RABGAP1L: variants seen among roughly 807,000 people sequenced by gnomAD.
RABGAP1L encodes the protein RAB GTPase activating protein 1 like, also known as rab GTPase-activating protein 1-like.
In RABGAP1L, 63 loss-of-function variants were observed where a neutral mutation model predicts 137.7. The ratio of observed to expected loss-of-function variants is 0.46; its 90% CI spans 0.37 to 0.56. The LOEUF (loss-of-function observed/expected upper bound fraction) is 0.56, where lower values mean the gene tolerates loss of function less well. Among genes scored for constraint, RABGAP1L ranks in the 20% least tolerant of loss-of-function variants. RABGAP1L has a pLI of 0.00. For missense variants in RABGAP1L, 1,095 were observed against 1,244.0 expected (o/e 0.88, Z 1.80); for synonymous variants, 431 against 433.7 (o/e 0.99, Z 0.08).
intron 13 of RABGAP1L, among the ~76,000 whole-genome samples, chr1:174,451,918 T>C (rs1416341497): frequency 2.6e-5 from 4 of 152,196 alleles, no homozygotes; most frequent in South Asian, 2.1e-4. Flanking sequence ...ATCAATTTCT[T>C]TTTGGAAAAA....
chr1:174,842,610 A>G (rs1056736723), intron 19 of RABGAP1L, among the ~76,000 whole-genome samples: 3 of 152,222 alleles, frequency 2.0e-5, no homozygotes, highest in Admixed American at 6.5e-5. Context: ...AAGAGGATAC[A>G]CAGTCTCCCA....
At chr1:174,630,871 G>GT (rs1673322056) in intron 13 of RABGAP1L, among the ~76,000 whole-genome samples, 2 of 138,752 alleles carry the variant, frequency 1.4e-5, no homozygotes, top group African/African-American at 2.7e-5. Context: ...TTTTTGAAGG[G>GT]TTTTTTGTGT....
intron 13 of RABGAP1L, among the ~76,000 whole-genome samples, chr1:174,637,142 A>T (rs1572632805): frequency 6.6e-6 from 1 of 151,996 alleles, no homozygotes; most frequent in Non-Finnish European, 1.5e-5. Flanking sequence ...TTCTCCCCAT[A>T]TAAACATACA....
At chr1:174,503,185 T>C (rs940385690) in intron 13 of RABGAP1L, among the ~76,000 whole-genome samples, 3 of 152,312 alleles carry the variant, frequency 2.0e-5, no homozygotes, top group East Asian at 3.9e-4. Flanking sequence ...TAAAGTTTCA[T>C]TGGAACACAG....
chr1:174,334,636 C>T (rs973346268), intron 11 of RABGAP1L, among the ~76,000 whole-genome samples: 4 of 152,176 alleles, frequency 2.6e-5, no homozygotes, highest in African/African-American at 9.7e-5. Context: ...GGCTATTGCA[C>T]TTGCTCTTCC....
chr1:174,944,145 C>T (rs1207169443), intron 19 of RABGAP1L, among the ~76,000 whole-genome samples: 1 of 151,676 alleles, frequency 6.6e-6, no homozygotes, highest in Non-Finnish European at 1.5e-5. Flanking sequence ...TGGTGGTGTG[C>T]ACCTGTAATC....
chr1:174,614,811 G>A (rs1411640665), intron 13 of RABGAP1L, among the ~76,000 whole-genome samples: 3 of 151,980 alleles, frequency 2.0e-5, no homozygotes, highest in Non-Finnish European at 4.4e-5. Flanking sequence ...TTCCCTTCTT[G>A]CTTCATTTCA....
intron 13 of RABGAP1L, among the ~76,000 whole-genome samples, chr1:174,609,145 T>C (rs1195731778): frequency 6.6e-6 from 1 of 152,048 alleles, no homozygotes; most frequent in African/African-American, 2.4e-5. Context: ...ACTTAAAACT[T>C]TGGAAAAATG....
intron 19 of RABGAP1L, among the ~76,000 whole-genome samples, chr1:174,870,171 T>G (rs1006083029): frequency 6.6e-6 from 1 of 152,230 alleles, no homozygotes; most frequent in Non-Finnish European, 1.5e-5. Context: ...GACCTGATAT[T>G]TGCAAATTAC....
chr1:174,722,885 A>T (rs1238917692), intron 17 of RABGAP1L, among the ~76,000 whole-genome samples: 1 of 152,112 alleles, frequency 6.6e-6, no homozygotes, highest in Admixed American at 6.5e-5. Context: ...CCGAGGCTGC[A>T]CCCTCAGCCA....
At chr1:174,622,577 C>T (rs561546452) in intron 13 of RABGAP1L, among the ~76,000 whole-genome samples, 9 of 152,180 alleles carry the variant, frequency 5.9e-5, no homozygotes, top group African/African-American at 2.2e-4. Context: ...AGTTGGAAAC[C>T]ATCATTCTCA....
intron 19 of RABGAP1L, chr1:174,892,569 C>A: frequency 1.9e-6 from 1 of 529,424 alleles, no homozygotes; most frequent in Non-Finnish European, 3.8e-6. Context: ...GAATGGAACT[C>A]AAGGGTGGTA....
chr1:174,278,828 C>A, intron 10 of RABGAP1L, 49 bp downstream of exon 10: 1 of 1,324,828 alleles, frequency 7.5e-7, no homozygotes, highest in Non-Finnish European at 9.9e-7. Context: ...ATTTTTCTTT[C>A]CACACTTCTT....
At chr1:174,711,283 C>G (rs1238243551) in intron 17 of RABGAP1L, among the ~76,000 whole-genome samples, 1 of 152,146 alleles carries the variant, frequency 6.6e-6, no homozygotes, top group Admixed American at 6.5e-5. Flanking sequence ...GGAAGGGGCT[C>G]CCACAGTGCA....
intron 3 of RABGAP1L, among the ~76,000 whole-genome samples, chr1:174,226,453 T>C (rs987280340): frequency 1.3e-5 from 2 of 152,226 alleles, no homozygotes; most frequent in African/African-American, 2.4e-5. Flanking sequence ...GTCGAAAGTT[T>C]TCAGGTATAA....
chr1:174,234,582 T>C lies in RABGAP1L; in HGVS notation c.542+3227T>C, dbSNP rs1276434726. The stretch of plus-strand genomic sequence containing the variant: ...GTCAAAGATCAGATAGTTGTAGGTA[T>C]GCGGCATTATTTCTGAGGGCTCTTT... On this transcript the variant is annotated intron_variant, in intron 4 of 25. Transcript: ENST00000681986. 2.7e-5 allele frequency among the ~76,000 whole-genome samples: 4 copies of C among 150,902 alleles called. 1 individual carries two copies. Among genetic ancestry groups the C allele is most frequent in the South Asian group, 2.1e-4 (1 of 4,826 alleles).
chr1:174,734,593 A>T (rs1462851378), intron 17 of RABGAP1L, among the ~76,000 whole-genome samples: 1 of 152,194 alleles, frequency 6.6e-6, no homozygotes, highest in Non-Finnish European at 1.5e-5. Flanking sequence ...GTCAGATGCC[A>T]TTTATTATAA....
chr1:174,948,914 A>G (rs767806825), intron 19 of RABGAP1L: 1 of 152,190 alleles, frequency 6.6e-6, no homozygotes, highest in African/African-American at 2.4e-5. Flanking sequence ...TACCACCAAT[A>G]TATGTATATT....
In RABGAP1L at chr1:174,223,264, T is replaced by TAAAAAAAAA. The variant is rs550034492; in HGVS notation, c.331+2121_331+2129dup. Among the ~76,000 whole-genome samples the TAAAAAAAAA allele has an allele frequency of 2.4e-3, 95 of 39,896 alleles. 9 individuals are homozygous for TAAAAAAAAA. Among genetic ancestry groups the TAAAAAAAAA allele is most frequent in the Non-Finnish European group, 4.3e-3 (79 of 18,216 alleles). The allele number at this position is 39,896 out of a possible 152,430, so 26.2% of individuals were successfully genotyped here. A position where few individuals can be genotyped will look rare whatever the true frequency, so the allele number is the denominator to read the frequency against. On this transcript the variant is annotated intron_variant, in intron 3 of 25. Coordinates refer to ENST00000681986, the MANE Select transcript of RABGAP1L (RefSeq NM_001366446.1). ...GCCTGCGTGACAGTGAGACTCTGTC[T>TAAAAAAAAA]AAAAAAAAAAAAAAAAAAAAAAAAA... is the stretch of plus-strand genomic sequence containing the variant.
Sources: allele counts gnomAD v4.1 joint callset (sites outside exome capture counted in the v4.1 genomes callset), GRCh38; gene constraint gnomAD v4.1.1; transcripts MANE v1.5; gene names NCBI Gene and HGNC (gene_info 2026-07-23, HGNC 2026-07-21).